Variants in MCMBP observed in about 807,000 individuals in gnomAD.
MCMBP encodes the protein minichromosome maintenance complex binding protein.
Under a neutral mutation model 81.3 loss-of-function variants are expected in MCMBP, and 31 were observed. The observed-to-expected ratio is 0.38, with a 90% CI of 0.29 to 0.51. The LOEUF (loss-of-function observed/expected upper bound fraction) is 0.51, where lower values mean the gene tolerates loss of function less well. Among genes scored for constraint, MCMBP ranks in the 20% least tolerant of loss-of-function variants. The pLI is 0.87. For missense variants in MCMBP, 645 were observed against 772.1 expected, an observed-to-expected ratio of 0.84 and a Z score of 1.95; for synonymous variants, 267 against 275.9, an observed-to-expected ratio of 0.97 and a Z score of 0.32.
intron 11 of MCMBP, 64 bp downstream of exon 11, chr10:119,840,777 GAA>G (rs1852403939): frequency 1.1e-6 from 1 of 898,016 alleles, no homozygotes; most frequent in Non-Finnish European, 1.7e-6. Context: ...TGAAGTGAAT[GAA>G]AGACAGTTAG....
At chr10:119,863,988 TTAA>T (rs1393552558) in intron 1 of MCMBP, among the ~76,000 whole-genome samples, 1 of 150,722 alleles carries the variant, frequency 6.6e-6, no homozygotes, top group Non-Finnish European at 1.5e-5. Flanking sequence ...GGAATTAAGG[TTAA>T]TAATCAGTTG....
chr10:119,872,415 G>T (rs1589807433), intron 1 of MCMBP, 112 bp downstream of exon 1: 1 of 560,098 alleles, frequency 1.8e-6, no homozygotes, highest in Non-Finnish European at 2.5e-6. Context: ...CCCGTCTCGG[G>T]CCACGCGAGC....
At chr10:119,839,950 T>C (rs890154267) in intron 11 of MCMBP, among the ~76,000 whole-genome samples, 9 of 152,200 alleles carry the variant, frequency 5.9e-5, no homozygotes, top group Non-Finnish European at 8.8e-5. Flanking sequence ...CAAGCATCCA[T>C]TGTCTCCTAT....
intron 1 of MCMBP, among the ~76,000 whole-genome samples, chr10:119,871,821 A>ATACT (rs1853684817): frequency 6.6e-6 from 1 of 152,192 alleles, no homozygotes; most frequent in Admixed American, 6.5e-5. Flanking sequence ...TTTTCTTCGT[A>ATACT]TACCCTTCGC....
chr10:119,859,316 T>C (rs1047000867), intron 2 of MCMBP, 135 bp from the exon 3 acceptor site: 1 of 707,178 alleles, frequency 1.4e-6, no homozygotes, highest in Admixed American at 3.3e-5. Context: ...CCATGCCACA[T>C]CAGAGAGCCA....
At chr10:119,870,471 T>C (rs535786934) in intron 1 of MCMBP, among the ~76,000 whole-genome samples, 16 of 151,564 alleles carry the variant, frequency 1.1e-4, no homozygotes, top group Non-Finnish European at 2.4e-4. Context: ...TATTTCAAAA[T>C]AAAATACACA....
chr10:119,863,752 A>G (rs1853348528), intron 1 of MCMBP, among the ~76,000 whole-genome samples: 1 of 149,142 alleles, frequency 6.7e-6, no homozygotes, highest in African/African-American at 2.5e-5. Flanking sequence ...AAAAAAAAAA[A>G]AAAAAAAAAA....
intron 14 of MCMBP, 78 bp from the exon 15 acceptor site, chr10:119,832,178 A>G (rs1234527983): frequency 3.1e-6 from 4 of 1,286,912 alleles, no homozygotes; most frequent in Admixed American, 4.0e-5. Flanking sequence ...TGACTGATGT[A>G]GTAAGGTGCA....
intron 6 of MCMBP, among the ~76,000 whole-genome samples, chr10:119,852,759 G>A (rs1377728108): frequency 6.6e-6 from 1 of 152,194 alleles, no homozygotes; most frequent in African/African-American, 2.4e-5. Flanking sequence ...TTAGGGTAAA[G>A]TACCAGGCTT....
chr10:119,859,850 T>C lies in MCMBP; in HGVS notation c.93A>G (p.Lys31=), dbSNP rs762169910. 16 of 1,613,426 alleles carry C rather than the reference T, an allele frequency of 9.9e-6. No homozygotes were observed. Among genetic ancestry groups the C allele is most frequent in the Non-Finnish European group, 1.4e-5 (16 of 1,179,766 alleles). ...QNGVNPDWEK[K]VIEYFKEKLK... Reference sequence around the variant, plus strand: ...GCTTTTCCTTAAAATACTCAATTACTTTCTTCTCCCAGTCAGGATTAACTC... The same window carrying C: ...GCTTTTCCTTAAAATACTCAATTACCTTCTTCTCCCAGTCAGGATTAACTC... Residue 31 remains lysine, a synonymous_variant, in exon 2 of 16, where the codon AAA becomes AAG. Coordinates refer to ENST00000369077, the MANE Select transcript of MCMBP (RefSeq NM_001256378.2).
At chr10:119,872,021 A>G (rs1306593056) in intron 1 of MCMBP, among the ~76,000 whole-genome samples, 1 of 152,164 alleles carries the variant, frequency 6.6e-6, no homozygotes, top group Non-Finnish European at 1.5e-5. Flanking sequence ...TTATCTCTGA[A>G]AGAGAGAATG....
chr10:119,842,397 C>T (rs1455691703), intron 10 of MCMBP, 75 bp downstream of exon 10: 4 of 1,509,804 alleles, frequency 2.6e-6, no homozygotes, highest in South Asian at 2.6e-5. Context: ...ACACAAATGA[C>T]ACCAGCAATC....
At chr10:119,866,966 G>GA (rs1157702100) in intron 1 of MCMBP, among the ~76,000 whole-genome samples, 1 of 145,636 alleles carries the variant, frequency 6.9e-6, no homozygotes, top group African/African-American at 2.5e-5. Context: ...CTGTCTCAAA[G>GA]AAAAAAACCT....
At chr10:119,849,988 A>G (rs1246301576) in intron 6 of MCMBP, among the ~76,000 whole-genome samples, 1 of 152,202 alleles carries the variant, frequency 6.6e-6, no homozygotes, top group African/African-American at 2.4e-5. Context: ...ACAGCAATAA[A>G]TTAATTTACC....
In MCMBP at chr10:119,842,457, G is replaced by C. The variant is rs1219489359; in HGVS notation, c.1124+15C>G. ...CACCAAACTCCCCTAATTCCCACCA[G>C]GATACAGCACTTACACTGTGGAGAT... On this transcript the variant is annotated intron_variant, in intron 10 of 15. Transcript: ENST00000369077. The C allele has an allele frequency of 6.9e-6, 11 of 1,605,238 alleles. No homozygotes were observed. Among genetic ancestry groups the C allele is most frequent in the Non-Finnish European group, 8.5e-6 (10 of 1,176,766 alleles).
chr10:119,845,592 A>G (rs1852589491), intron 8 of MCMBP, among the ~76,000 whole-genome samples: 1 of 152,232 alleles, frequency 6.6e-6, no homozygotes, highest in African/African-American at 2.4e-5. Flanking sequence ...AGGAATGGGG[A>G]TAGCCGAGAA....
intron 4 of MCMBP, among the ~76,000 whole-genome samples, chr10:119,858,601 A>G (rs1368092873): frequency 6.6e-6 from 1 of 152,178 alleles, no homozygotes; most frequent in African/African-American, 2.4e-5. Flanking sequence ...ATTAAAAAGG[A>G]TTTAATTTTG....
At chr10:119,850,874 G>GTTTTTTTTTTTTTTTTTTT (rs1284100421) in intron 6 of MCMBP, among the ~76,000 whole-genome samples, 29 of 130,546 alleles carry the variant, frequency 2.2e-4, no homozygotes, top group Non-Finnish European at 3.0e-4. Context: ...TACAAGATCT[G>GTTTTTTTTTTTTTTTTTTT]TTTTTTTTTT....
intron 1 of MCMBP, among the ~76,000 whole-genome samples, chr10:119,871,178 C>T (rs1313688371): frequency 6.6e-6 from 1 of 152,166 alleles, no homozygotes; most frequent in Non-Finnish European, 1.5e-5. Context: ...TATGCATCTG[C>T]ACCCTCTTAA....
Sources: gnomAD v4.1 joint callset for allele counts (sites outside exome capture counted in the v4.1 genomes callset) on GRCh38, gnomAD v4.1.1 for gene constraint, MANE v1.5 for transcripts, NCBI Gene and HGNC (gene_info 2026-07-23, HGNC 2026-07-21) for gene names.